Variants in TNIK observed in about 807,000 individuals in gnomAD.
TNIK encodes the protein TRAF2 and NCK interacting kinase, also known as TRAF2 and NCK-interacting protein kinase.
TNIK carries 49 observed loss-of-function variants against 191.3 expected under a neutral mutation model. The observed-to-expected ratio is 0.26, with a 90% CI of 0.20 to 0.32. The LOEUF (loss-of-function observed/expected upper bound fraction) is 0.32, where lower values mean the gene tolerates loss of function less well. Ranked by LOEUF, TNIK falls within the 10% of genes least tolerant of loss-of-function variation. The pLI is 1.00. For synonymous variants in TNIK, 594 were observed against 600.9 expected, an observed-to-expected ratio of 0.99 and a Z score of 0.17; for missense variants, 1,155 against 1,702.3, an observed-to-expected ratio of 0.68 and a Z score of 5.66.
At chr3:171,240,883 C>T (rs926219015) in intron 2 of TNIK, among the ~76,000 whole-genome samples, 5 of 152,090 alleles carry the variant, frequency 3.3e-5, no homozygotes, top group South Asian at 2.1e-4. Context: ...TTGAGGGCAG[C>T]GGCTTCTCTT....
chr3:171,152,601 A>G (rs556796406), intron 12 of TNIK, among the ~76,000 whole-genome samples: 8 of 152,244 alleles, frequency 5.3e-5, no homozygotes, highest in Non-Finnish European at 8.8e-5. Context: ...AAGAACTGCC[A>G]GGGCATGCAG....
intron 1 of TNIK, among the ~76,000 whole-genome samples, chr3:171,457,838 A>G (rs1042615445): frequency 2.6e-5 from 4 of 152,226 alleles, no homozygotes; most frequent in African/African-American, 9.6e-5. Context: ...AGCCCAGGCC[A>G]CAAAGAGCAA....
intron 2 of TNIK, among the ~76,000 whole-genome samples, chr3:171,314,290 C>T (rs1239899638): frequency 6.6e-6 from 1 of 152,260 alleles, no homozygotes; most frequent in East Asian, 1.9e-4. Context: ...CCACAGTGGC[C>T]TATCTGGCCT....
chr3:171,215,130 A>T (rs1318566751), intron 3 of TNIK, among the ~76,000 whole-genome samples: 2 of 152,148 alleles, frequency 1.3e-5, no homozygotes, highest in African/African-American at 4.8e-5. Context: ...GCCCTCTCCT[A>T]CTGCTTGCCA....
At chr3:171,083,229 A>G (rs1720912395) in intron 26 of TNIK, among the ~76,000 whole-genome samples, 1 of 152,110 alleles carries the variant, frequency 6.6e-6, no homozygotes, top group South Asian at 2.1e-4. Context: ...TTGTACTTCT[A>G]TCTTCTGATC....
At chr3:171,348,888 A>G (rs1342400826) in intron 2 of TNIK, among the ~76,000 whole-genome samples, 1 of 152,158 alleles carries the variant, frequency 6.6e-6, no homozygotes, top group Non-Finnish European at 1.5e-5. Flanking sequence ...AGTATGTACT[A>G]TATTTTTAAA....
chr3:171,367,696 C>G (rs983917793), intron 2 of TNIK, among the ~76,000 whole-genome samples: 3 of 152,168 alleles, frequency 2.0e-5, no homozygotes, highest in African/African-American at 7.2e-5. Flanking sequence ...GTCTTGAAAT[C>G]TGAGCTCAAA....
At chr3:171,196,164 A>G (rs1394309929) in intron 4 of TNIK, among the ~76,000 whole-genome samples, 1 of 152,158 alleles carries the variant, frequency 6.6e-6, no homozygotes, top group African/African-American at 2.4e-5. Flanking sequence ...AAATCTTACC[A>G]CTGGGTAGTT....
intron 22 of TNIK, among the ~76,000 whole-genome samples, chr3:171,096,040 C>T (rs1008638579): frequency 5.9e-5 from 9 of 151,840 alleles, no homozygotes; most frequent in Admixed American, 1.3e-4. Context: ...TCCTTTGTGC[C>T]GTAAGTACTT....
chr3:171,203,289 G>T (rs985900775), intron 4 of TNIK, among the ~76,000 whole-genome samples: 1 of 152,158 alleles, frequency 6.6e-6, no homozygotes, highest in East Asian at 1.9e-4. Flanking sequence ...AGTCTAAAAA[G>T]GACCTTTCAT....
Position 171,060,142 on chromosome 3 carries a change from C to A in TNIK, c.*3739G>T, listed in dbSNP as rs901456069. ...ACACTGTTAACACAAAGAGCTCTTC[C>A]ACGTTTCAAGAATACAGTGACGGGA... On this transcript the variant is annotated 3_prime_UTR_variant, in exon 33 of 33. Coordinates refer to ENST00000436636, the MANE Select transcript of TNIK (RefSeq NM_015028.4). 2.5e-3 allele frequency among the ~76,000 whole-genome samples: 387 copies of A among 152,286 alleles called. 5 individuals are homozygous for A. The highest frequency in any genetic ancestry group is 5.6e-4 in the Non-Finnish European group (38 of 68,032).
intron 2 of TNIK, among the ~76,000 whole-genome samples, chr3:171,273,729 C>A (rs762898689): frequency 6.6e-6 from 1 of 151,920 alleles, no homozygotes; most frequent in African/African-American, 2.4e-5. Flanking sequence ...TCAAAAAACC[C>A]GACCTTTTTA....
chr3:171,192,050 T>C (rs562027712), intron 5 of TNIK, among the ~76,000 whole-genome samples: 2 of 152,170 alleles, frequency 1.3e-5, no homozygotes, highest in Non-Finnish European at 1.5e-5. Flanking sequence ...AACCTAGATA[T>C]CTGAATTCTC....
rs1717753891 is a variant in TNIK at position 171,060,876 on chromosome 3, T to C, written c.*3005A>G. 6.6e-6 allele frequency among the ~76,000 whole-genome samples: 1 copy of C among 152,186 alleles called. No individual in the cohort carries two copies. The highest frequency in any genetic ancestry group is 1.5e-5 in the Non-Finnish European group (1 of 68,020). On this transcript the variant is annotated 3_prime_UTR_variant, in exon 33 of 33. Coordinates refer to ENST00000436636, the MANE Select transcript of TNIK (RefSeq NM_015028.4). ...AGATTTTACTGGATGATTATTAATT[T>C]AGAGCAGTAAGAACTGGCAGATCTA...
At chr3:171,348,241 A>T (rs1400664185) in intron 2 of TNIK, among the ~76,000 whole-genome samples, 1 of 152,226 alleles carries the variant, frequency 6.6e-6, no homozygotes, top group Non-Finnish European at 1.5e-5. Context: ...CAAGTATTAC[A>T]GCAGCAGGAA....
intron 1 of TNIK, among the ~76,000 whole-genome samples, chr3:171,406,286 C>CT (rs1326406105): frequency 6.6e-6 from 1 of 152,128 alleles, no homozygotes; most frequent in African/African-American, 2.4e-5. Flanking sequence ...TGATGGAACT[C>CT]TGATGCCATG....
chr3:171,445,018 G>A (rs6766328), intron 1 of TNIK, among the ~76,000 whole-genome samples: 52,593 of 151,820 alleles, frequency 0.35, 13,115 homozygotes, highest in African/African-American at 0.71. Context: ...CCCAGCCAAG[G>A]AAACTATCTT....
rs571588007 is a variant in TNIK at position 171,305,051 on chromosome 3, A to G, written c.123+64569T>C. On this transcript the variant is annotated intron_variant, in intron 2 of 32. Coordinates refer to ENST00000436636, the MANE Select transcript of TNIK (RefSeq NM_015028.4). ...GAAATTGAAAATCTCTGCCACAGGG[A>G]AAAAAAAAAAGGAAAAAGTAAAGAA... 7.8e-3 allele frequency among the ~76,000 whole-genome samples: 315 copies of G among 40,542 alleles called. 1 individual carries two copies. The highest frequency in any genetic ancestry group is 0.021 in the African/African-American group (288 of 13,856). 26.6% of individuals were successfully genotyped at this position (40,542 alleles called of 152,430 possible). A position where few individuals can be genotyped will look rare whatever the true frequency, so the allele number is the denominator to read the frequency against.
At chr3:171,148,558 A>G (rs187187256) in intron 12 of TNIK, among the ~76,000 whole-genome samples, 11 of 152,332 alleles carry the variant, frequency 7.2e-5, no homozygotes, top group Admixed American at 2.0e-4. Flanking sequence ...AAGCCTTAGT[A>G]TGAGACCCTC....
Sources: allele counts gnomAD v4.1 joint callset (sites outside exome capture counted in the v4.1 genomes callset), GRCh38; gene constraint gnomAD v4.1.1; transcripts MANE v1.5; gene names NCBI Gene and HGNC (gene_info 2026-07-23, HGNC 2026-07-21).